The following GABRB1 variants were observed in gnomAD, a reference collection of about 807,000 sequenced individuals.
GABRB1 encodes the protein gamma-aminobutyric acid receptor subunit beta-1.
A neutral mutation model predicts 51.6 loss-of-function variants in GABRB1; 17 were observed. The observed-to-expected ratio is 0.33, with a 90% CI of 0.23 to 0.49. The LOEUF (loss-of-function observed/expected upper bound fraction) is 0.49, where lower values mean the gene tolerates loss of function less well. GABRB1 is among the 20% of genes least tolerant of loss of function. The pLI is 0.99. For missense variants in GABRB1, 410 were observed against 600.6 expected, an observed-to-expected ratio of 0.68 and a Z score of 3.32; for synonymous variants, 247 against 218.9, an observed-to-expected ratio of 1.13 and a Z score of -1.14.
chr4:47,146,133 A>G (rs532325107), intron 3 of GABRB1, among the ~76,000 whole-genome samples: 2 of 152,114 alleles, frequency 1.3e-5, no homozygotes, highest in East Asian at 1.9e-4. Context: ...CTGAACCTTG[A>G]TTTCCACTCA....
chr4:47,242,829 T>C (rs1254354651), intron 4 of GABRB1, among the ~76,000 whole-genome samples: 2 of 152,250 alleles, frequency 1.3e-5, no homozygotes, highest in African/African-American at 2.4e-5. Flanking sequence ...TCTCCCATTC[T>C]GTAGGTTGTC....
chr4:46,998,061 A>C (rs534857363), intron 1 of GABRB1, among the ~76,000 whole-genome samples: 1 of 152,324 alleles, frequency 6.6e-6, no homozygotes, highest in Admixed American at 6.5e-5. Context: ...AGGGTTTCCT[A>C]ATCTGGGGGA....
chr4:47,164,240 T>G (rs538579657), intron 4 of GABRB1, among the ~76,000 whole-genome samples: 2 of 152,156 alleles, frequency 1.3e-5, no homozygotes, highest in South Asian at 4.2e-4. Flanking sequence ...CTATATCACC[T>G]ACTAAACGCA....
chr4:47,176,709 A>T (rs1718717273), intron 4 of GABRB1, among the ~76,000 whole-genome samples: 2 of 152,092 alleles, frequency 1.3e-5, no homozygotes, highest in African/African-American at 2.4e-5. Flanking sequence ...AAAAAGGAGA[A>T]GTATTTCAAC....
intron 4 of GABRB1, among the ~76,000 whole-genome samples, chr4:47,229,826 C>T (rs901256601): frequency 6.6e-6 from 1 of 152,012 alleles, no homozygotes; most frequent in Non-Finnish European, 1.5e-5. Flanking sequence ...GCTACCAGAG[C>T]TATAAGAGAC....
At chr4:47,001,629 T>A (rs1724221712) in intron 1 of GABRB1, among the ~76,000 whole-genome samples, 1 of 152,220 alleles carries the variant, frequency 6.6e-6, no homozygotes, top group African/African-American at 2.4e-5. Flanking sequence ...GACTTCAGAT[T>A]TGATCTGCAA....
At chr4:47,185,083 C>T (rs1276928813) in intron 4 of GABRB1, among the ~76,000 whole-genome samples, 2 of 151,844 alleles carry the variant, frequency 1.3e-5, no homozygotes, top group East Asian at 1.9e-4. Context: ...TTATTTACTT[C>T]TATTGTGCCT....
At chr4:47,358,022 C>A (rs1475669443) in intron 5 of GABRB1, among the ~76,000 whole-genome samples, 2 of 152,120 alleles carry the variant, frequency 1.3e-5, no homozygotes, top group Non-Finnish European at 2.9e-5. Context: ...CTCCTTAAAA[C>A]CTCATCACAC....
intron 4 of GABRB1, among the ~76,000 whole-genome samples, chr4:47,186,586 C>A (rs1719191733): frequency 6.6e-6 from 1 of 151,718 alleles, no homozygotes; most frequent in Non-Finnish European, 1.5e-5. Context: ...TGTTTCTAAC[C>A]AATTTATTTT....
chr4:47,262,551 C>T (rs1722482084), intron 4 of GABRB1, among the ~76,000 whole-genome samples: 1 of 152,212 alleles, frequency 6.6e-6, no homozygotes, highest in South Asian at 2.1e-4. Flanking sequence ...ACAACAGGTG[C>T]TGGAGAGGAT....
intron 1 of GABRB1, among the ~76,000 whole-genome samples, chr4:47,001,426 G>T (rs1017693248): frequency 6.6e-6 from 1 of 152,194 alleles, no homozygotes; most frequent in African/African-American, 2.4e-5. Context: ...ACAGGTGTGA[G>T]CCACCATGCC....
chr4:47,009,625 C>T (rs1471294656), intron 1 of GABRB1, among the ~76,000 whole-genome samples: 1 of 152,222 alleles, frequency 6.6e-6, no homozygotes, highest in African/African-American at 2.4e-5. Context: ...ATGTCAAAGT[C>T]GTATGATAGC....
chr4:47,376,641 C>T (rs1727391928), intron 5 of GABRB1, among the ~76,000 whole-genome samples: 2 of 152,010 alleles, frequency 1.3e-5, no homozygotes, highest in Admixed American at 6.6e-5. Flanking sequence ...AGCGAGACTC[C>T]GTCTTAAAAA....
At chr4:47,352,911 T>C (rs1387146975) in intron 5 of GABRB1, among the ~76,000 whole-genome samples, 7 of 152,246 alleles carry the variant, frequency 4.6e-5, no homozygotes, top group African/African-American at 1.7e-4. Context: ...GCAAAAACTA[T>C]GTATTAGTCT....
chr4:46,995,502 G>A (rs997496606), intron 1 of GABRB1, among the ~76,000 whole-genome samples: 1 of 152,038 alleles, frequency 6.6e-6, no homozygotes, highest in African/African-American at 2.4e-5. Context: ...GGAAGTACAG[G>A]TATGTGTCAC....
chr4:47,207,374 G>A (rs1720178786), intron 4 of GABRB1, among the ~76,000 whole-genome samples: 1 of 151,944 alleles, frequency 6.6e-6, no homozygotes, highest in Non-Finnish European at 1.5e-5. Flanking sequence ...TGTTTCCAAA[G>A]CTGGTCCCTG....
intron 1 of GABRB1, among the ~76,000 whole-genome samples, chr4:47,017,910 C>T (rs2109447831): frequency 6.6e-6 from 1 of 152,302 alleles, no homozygotes; most frequent in Non-Finnish European, 1.5e-5. Context: ...TTCAGATTTT[C>T]AGATTTGAAT....
chr4:47,312,013 A>T (rs1443913216), intron 4 of GABRB1, among the ~76,000 whole-genome samples: 7 of 148,982 alleles, frequency 4.7e-5, no homozygotes, highest in Non-Finnish European at 8.9e-5. Flanking sequence ...TTCCAAGTAT[A>T]AAAATAAAAC....
intron 4 of GABRB1, among the ~76,000 whole-genome samples, chr4:47,194,661 TAA>T (rs1719574797): frequency 6.6e-6 from 1 of 152,222 alleles, no homozygotes; most frequent in African/African-American, 2.4e-5. Flanking sequence ...TGCATATTCT[TAA>T]ACATTTGATG....
Sources: gnomAD v4.1 joint callset for allele counts (sites outside exome capture counted in the v4.1 genomes callset) on GRCh38, gnomAD v4.1.1 for gene constraint, MANE v1.5 for transcripts, NCBI Gene and HGNC (gene_info 2026-07-23, HGNC 2026-07-21) for gene names.